TGDS: variants seen among roughly 807,000 people sequenced by gnomAD.
TGDS encodes TDP-glucose 4,6-dehydratase.
In TGDS, 47 loss-of-function variants were observed where a neutral mutation model predicts 52.3. The ratio of observed to expected loss-of-function variants is 0.90; its 90% CI spans 0.71 to 1.15. The LOEUF (loss-of-function observed/expected upper bound fraction) is 1.15, where lower values mean the gene tolerates loss of function less well. TGDS is among the 50% of genes most tolerant of loss of function. The pLI, the probability that TGDS is intolerant of heterozygous loss-of-function variation, is 0.00. For missense variants in TGDS, 375 were observed against 418.4 expected (o/e 0.90, Z 0.90); for synonymous variants, 115 against 136.9 (o/e 0.84, Z 1.12).
At chr13:94,583,944 G>A (rs545697725) in intron 4 of TGDS, among the ~76,000 whole-genome samples, 30 of 152,242 alleles carry the variant, frequency 2.0e-4, no homozygotes, top group Non-Finnish European at 3.5e-4. Context: ...TTAAGATTAC[G>A]ATGATCAATG....
intron 4 of TGDS, among the ~76,000 whole-genome samples, chr13:94,590,285 T>C (rs550335507): frequency 3.1e-4 from 46 of 150,378 alleles, no homozygotes; most frequent in African/African-American, 1.1e-3. Context: ...GGGATAAATA[T>C]ACAGACAACA....
rs775830237 is a variant in TGDS, at chr13:94,578,185, C to T, written c.660-15G>A. 4.3e-5 allele frequency: 70 copies of T among 1,611,562 alleles called. No homozygotes were observed. In the Admixed American group the frequency reaches 8.7e-4, roughly 20 times the overall value. Reference sequence around the variant, plus strand: ...CATGAATGCAACTAAAGAGATTAAACGAAGTGAAATCATAAAGTGTAAAAA... The same window carrying T: ...CATGAATGCAACTAAAGAGATTAAATGAAGTGAAATCATAAAGTGTAAAAA... On this transcript the variant is annotated splice_polypyrimidine_tract_variant and intron_variant, in intron 8 of 11. Transcript: ENST00000261296.
intron 4 of TGDS, among the ~76,000 whole-genome samples, chr13:94,585,574 G>C (rs1415151036): frequency 2.0e-5 from 3 of 151,884 alleles, no homozygotes; most frequent in Admixed American, 6.5e-5. Flanking sequence ...CAGGTGGGTG[G>C]ATCACCTGAG....
intron 6 of TGDS, 111 bp from the exon 7 acceptor site, chr13:94,580,064 C>T (rs1888733134): frequency 4.6e-6 from 3 of 648,086 alleles, no homozygotes; most frequent in Non-Finnish European, 5.3e-6. Flanking sequence ...TAATTCCACA[C>T]ACCTTAAGGT....
intron 4 of TGDS, among the ~76,000 whole-genome samples, chr13:94,587,305 G>T (rs1395085787): frequency 6.6e-6 from 1 of 152,060 alleles, no homozygotes; most frequent in South Asian, 2.1e-4. Context: ...AAACAAACAC[G>T]CATAAGAAAA....
chr13:94,582,261 AAT>A (rs995398522), intron 5 of TGDS, among the ~76,000 whole-genome samples: 21 of 152,178 alleles, frequency 1.4e-4, no homozygotes, highest in Non-Finnish European at 2.6e-4. Flanking sequence ...TTGAAATTCC[AAT>A]ATGTTTTCCT....
chr13:94,590,796 G>T, intron 4 of TGDS, 57 bp downstream of exon 4: 2 of 1,337,448 alleles, frequency 1.5e-6, no homozygotes, highest in South Asian at 1.5e-5. Context: ...AAGTATTAGG[G>T]GGGCGAGGGC....
At chr13:94,587,346 A>G (rs1330468261) in intron 4 of TGDS, among the ~76,000 whole-genome samples, 1 of 152,232 alleles carries the variant, frequency 6.6e-6, no homozygotes, top group Non-Finnish European at 1.5e-5. Context: ...GTTTTTTTGG[A>G]ACAACAATGT....
intron 9 of TGDS, 41 bp from the exon 10 acceptor site, chr13:94,577,470 G>T: frequency 6.7e-7 from 1 of 1,500,384 alleles, no homozygotes; most frequent in Non-Finnish European, 8.9e-7. Flanking sequence ...ATTATAAAAT[G>T]AGATCAGAGA....
At chr13:94,591,609 C>T (rs907213010) in intron 3 of TGDS, among the ~76,000 whole-genome samples, 1 of 152,076 alleles carries the variant, frequency 6.6e-6, no homozygotes, top group African/African-American at 2.4e-5. Context: ...TATACTGTAA[C>T]AACTGGAATG....
chr13:94,575,217 C>T (rs1273790654), intron 11 of TGDS, among the ~76,000 whole-genome samples: 3 of 149,910 alleles, frequency 2.0e-5, no homozygotes, highest in East Asian at 1.9e-4. Context: ...AAGTATAATA[C>T]AGTGTTTAGT....
intron 3 of TGDS, among the ~76,000 whole-genome samples, chr13:94,591,460 G>A (rs1002044070): frequency 6.6e-6 from 1 of 152,130 alleles, no homozygotes; most frequent in Non-Finnish European, 1.5e-5. Context: ...GGGCATGGTA[G>A]CAGGCGCCTG....
chr13:94,594,546 C>T (rs943134529), intron 1 of TGDS, among the ~76,000 whole-genome samples: 1 of 152,118 alleles, frequency 6.6e-6, no homozygotes, highest in Non-Finnish European at 1.5e-5. Context: ...AAATGATCTA[C>T]CAGATTTACC....
At chr13:94,590,278 A>G (rs1420593874) in intron 4 of TGDS, among the ~76,000 whole-genome samples, 1 of 150,228 alleles carries the variant, frequency 6.7e-6, no homozygotes, top group Non-Finnish European at 1.5e-5. Context: ...TTGTTTAGGG[A>G]TAAATATACA....
chr13:94,591,051 G>T, intron 3 of TGDS, 108 bp from the exon 4 acceptor site: 1 of 708,232 alleles, frequency 1.4e-6, no homozygotes, highest in South Asian at 1.9e-5. Context: ...GTTTAATAGA[G>T]AATGCCTTGA....
intron 4 of TGDS, among the ~76,000 whole-genome samples, chr13:94,589,412 T>A (rs1362642482): frequency 6.6e-6 from 1 of 151,994 alleles, no homozygotes; most frequent in African/African-American, 2.4e-5. Flanking sequence ...TCTCCCGGGT[T>A]CACGCCATTC....
chr13:94,585,913 G>T (rs538076457), intron 4 of TGDS, among the ~76,000 whole-genome samples: 58 of 151,912 alleles, frequency 3.8e-4, no homozygotes, highest in African/African-American at 1.2e-3. Flanking sequence ...ACTTTGATAA[G>T]CTAATTACAC....
chr13:94,583,298 G>T, intron 4 of TGDS, 62 bp from the exon 5 acceptor site: 1 of 1,552,104 alleles, frequency 6.4e-7, no homozygotes, highest in Non-Finnish European at 8.7e-7. Context: ...AATGCCAAAT[G>T]ATGGACTCAG....
intron 2 of TGDS, among the ~76,000 whole-genome samples, chr13:94,593,298 C>T (rs954737313): frequency 2.0e-5 from 3 of 152,132 alleles, no homozygotes; most frequent in African/African-American, 7.2e-5. Context: ...ACCTATTCCT[C>T]AAACTGTTGG....
Sources: gnomAD v4.1 joint callset for allele counts (sites outside exome capture counted in the v4.1 genomes callset) on GRCh38, gnomAD v4.1.1 for gene constraint, MANE v1.5 for transcripts, NCBI Gene and HGNC (gene_info 2026-07-23, HGNC 2026-07-21) for gene names.